The following SCNN1B variants were observed in gnomAD, a reference collection of about 807,000 sequenced individuals.
SCNN1B encodes epithelial sodium channel subunit beta.
SCNN1B carries 46 observed loss-of-function variants against 65.3 expected under a neutral mutation model. That is an observed-to-expected ratio of 0.70 (90% CI 0.56 to 0.90). SCNN1B has a LOEUF of 0.90. Among genes scored for constraint, SCNN1B ranks in the 40% least tolerant of loss-of-function variants. The pLI, the probability that SCNN1B is intolerant of heterozygous loss-of-function variation, is 0.00. For synonymous variants in SCNN1B, 349 were observed against 330.6 expected (o/e 1.06, Z -0.60); for missense variants, 751 against 830.5 (o/e 0.90, Z 1.18).
chr16:23,304,134 G>T, intron 1 of SCNN1B: 1 of 1,485,272 alleles, frequency 6.7e-7, no homozygotes, highest in Non-Finnish European at 9.1e-7. Context: ...TCTATAAATT[G>T]TTATCTCTGG....
intron 1 of SCNN1B, among the ~76,000 whole-genome samples, chr16:23,331,076 A>G (rs1158610231): frequency 6.6e-6 from 1 of 152,120 alleles, no homozygotes; most frequent in African/African-American, 2.4e-5. Context: ...CCATCTCAGG[A>G]CCAGCTAGAT....
intron 1 of SCNN1B, chr16:23,304,034 A>T (rs1330264155): frequency 2.0e-6 from 3 of 1,529,948 alleles, no homozygotes; most frequent in Non-Finnish European, 2.6e-6. Flanking sequence ...TATTTATTTA[A>T]ACTGCTGCAT....
chr16:23,376,236 T>G (rs1294031100), intron 8 of SCNN1B, among the ~76,000 whole-genome samples: 1 of 152,214 alleles, frequency 6.6e-6, no homozygotes, highest in Non-Finnish European at 1.5e-5. Context: ...CATGCTTGCG[T>G]CCAAATGCAC....
At chr16:23,280,095 GT>G (rs1360783805) in intron 1 of SCNN1B, among the ~76,000 whole-genome samples, 1 of 152,216 alleles carries the variant, frequency 6.6e-6, no homozygotes, top group Non-Finnish European at 1.5e-5. Flanking sequence ...ATCACCAACA[GT>G]TAGTAGTAAC....
chr16:23,356,360 C>T (rs1391131594), intron 4 of SCNN1B, among the ~76,000 whole-genome samples: 1 of 151,996 alleles, frequency 6.6e-6, no homozygotes, highest in Non-Finnish European at 1.5e-5. Flanking sequence ...CGTGGTGGCT[C>T]ATGCCTGGAA....
At chr16:23,287,410 C>A (rs770119193) in intron 2 of SCNN1B, among the ~76,000 whole-genome samples, 1 of 151,788 alleles carries the variant, frequency 6.6e-6, no homozygotes, top group Non-Finnish European at 1.5e-5. Context: ...TGAGGGTGAC[C>A]GGGGAAATGC....
At chr16:23,303,083 T>C (rs924903510) in intron 1 of SCNN1B, among the ~76,000 whole-genome samples, 1 of 152,104 alleles carries the variant, frequency 6.6e-6, no homozygotes, top group African/African-American at 2.4e-5. Flanking sequence ...CGCCCTGCAG[T>C]TGTCTGCGCT....
chr16:23,358,182 G>T (rs1353999567), intron 4 of SCNN1B: 1 of 152,210 alleles, frequency 6.6e-6, no homozygotes, highest in Non-Finnish European at 1.5e-5. Context: ...CCTCCAAAAG[G>T]AGCCCCATTT....
chr16:23,285,580 T>C (rs1596805186), intron 2 of SCNN1B, among the ~76,000 whole-genome samples: 1 of 151,586 alleles, frequency 6.6e-6, no homozygotes, highest in Middle Eastern at 3.4e-3. Flanking sequence ...AGCCCGGGAG[T>C]TGAAGAACAG....
At chr16:23,283,071 G>T (rs1960803987) in intron 1 of SCNN1B, among the ~76,000 whole-genome samples, 1 of 152,204 alleles carries the variant, frequency 6.6e-6, no homozygotes, top group Non-Finnish European at 1.5e-5. Context: ...TGATATACCT[G>T]ACCTACCAAA....
chr16:23,365,807 G>A (rs1009135219), intron 4 of SCNN1B, among the ~76,000 whole-genome samples: 13 of 152,294 alleles, frequency 8.5e-5, no homozygotes, highest in South Asian at 6.2e-4. Context: ...CCCTTGCACC[G>A]TTGAGGAAAC....
chr16:23,363,140 C>T (rs1962585873), intron 4 of SCNN1B, among the ~76,000 whole-genome samples: 2 of 152,328 alleles, frequency 1.3e-5, no homozygotes, highest in Non-Finnish European at 2.9e-5. Context: ...ATGCTCTTAT[C>T]GCCTATTGTA....
intron 1 of SCNN1B, among the ~76,000 whole-genome samples, chr16:23,342,060 A>T (rs1420835069): frequency 4.6e-5 from 7 of 152,262 alleles, no homozygotes; most frequent in Non-Finnish European, 1.0e-4. Flanking sequence ...TATTATCATA[A>T]CAGCCAAAAA....
chr16:23,331,016 C>G (rs1961800545), intron 1 of SCNN1B, among the ~76,000 whole-genome samples: 1 of 152,216 alleles, frequency 6.6e-6, no homozygotes. Context: ...TTATCACCAG[C>G]CAGCAGCTTT....
chr16:23,380,285 C>T lies in SCNN1B; in HGVS notation c.1542+116C>T, dbSNP rs1963013987. ...GAATTAGGAAGATCCCTAAGACAGT[C>T]CCAAGTTATTCCCCTGGGCCAAGAT... On this transcript the variant is annotated intron_variant, in intron 12 of 12. Transcript: ENST00000343070. This position sits in a 1 kb window ranked among gnomAD's most constrained non-coding sequence, Gnocchi z 5.4. 1.3e-6 allele frequency: 2 copies of T among 1,503,466 alleles called. No homozygotes were observed. The highest frequency in any genetic ancestry group is 1.7e-5 in the Admixed American group (1 of 59,108). 93.1% of individuals were successfully genotyped at this position (1,503,466 alleles called of 1,614,324 possible).
At chr16:23,310,274 G>T (rs1395536601) in intron 1 of SCNN1B, among the ~76,000 whole-genome samples, 6 of 117,554 alleles carry the variant, frequency 5.1e-5, no homozygotes, top group Non-Finnish European at 8.3e-5. Context: ...ATAAAAGTTA[G>T]TATGTTCTGC....
chr16:23,298,166 AC>A (rs201473201), upstream of SCNN1B, among the ~76,000 whole-genome samples: 1,431 of 152,274 alleles, frequency 9.4e-3, 11 homozygotes, highest in Non-Finnish European at 0.014. Context: ...CCAGTCATTA[AC>A]CCTTTCAGAC....
rs377128934 is a variant in SCNN1B, at chr16:23,380,284, T to C, written c.1542+115T>C. The C allele has an allele frequency of 6.7e-7, 1 of 1,497,206 alleles. No individual in the cohort carries two copies. Among genetic ancestry groups the C allele is most frequent in the African/African-American group, 1.4e-5 (1 of 72,460 alleles). 92.7% of individuals were successfully genotyped at this position (1,497,206 alleles called of 1,614,324 possible). ...GGAATTAGGAAGATCCCTAAGACAG[T>C]CCCAAGTTATTCCCCTGGGCCAAGA... On this transcript the variant is annotated intron_variant, in intron 12 of 12. Coordinates refer to ENST00000343070, the MANE Select transcript of SCNN1B (RefSeq NM_000336.3). This position sits in a 1 kb window ranked among gnomAD's most constrained non-coding sequence, Gnocchi z 5.4.
At chr16:23,358,503 C>A (rs1369549144) in intron 4 of SCNN1B, 1 of 152,102 alleles carries the variant, frequency 6.6e-6, no homozygotes, top group South Asian at 2.1e-4. Context: ...CAATACCTAC[C>A]CTACATGGTT....
Sources: gnomAD v4.1 joint callset for allele counts (sites outside exome capture counted in the v4.1 genomes callset) on GRCh38, gnomAD v4.1.1 for gene constraint, Gnocchi (gnomAD v3.1) non-coding constraint, MANE v1.5 for transcripts, NCBI Gene and HGNC (gene_info 2026-07-23, HGNC 2026-07-21) for gene names.